The following ANKRD50 variants were observed in gnomAD, a reference collection of about 807,000 sequenced individuals.
ANKRD50 encodes the protein ankyrin repeat domain-containing protein 50.
ANKRD50 carries 40 observed loss-of-function variants against 112.0 expected under a neutral mutation model. The ratio of observed to expected loss-of-function variants is 0.36; its 90% CI spans 0.28 to 0.46. ANKRD50 has a LOEUF of 0.46. ANKRD50 is among the 20% of genes least tolerant of loss of function. The pLI, the probability that ANKRD50 is intolerant of heterozygous loss-of-function variation, is 1.00. For synonymous variants in ANKRD50, 613 were observed against 619.1 expected, an observed-to-expected ratio of 0.99 and a Z score of 0.15; for missense variants, 1,487 against 1,701.7, an observed-to-expected ratio of 0.87 and a Z score of 2.22.
At chr4:124,678,116 G>C (rs1231345750) in intron 3 of ANKRD50, among the ~76,000 whole-genome samples, 1 of 152,004 alleles carries the variant, frequency 6.6e-6, no homozygotes, top group Non-Finnish European at 1.5e-5. Context: ...AAAATGTATA[G>C]AACTACTCAA....
intron 2 of ANKRD50, among the ~76,000 whole-genome samples, chr4:124,686,515 C>T (rs1175343539): frequency 1.3e-5 from 2 of 152,060 alleles, no homozygotes; most frequent in African/African-American, 4.8e-5. Flanking sequence ...AGGCTCTTCT[C>T]CCATATGACC....
intron 3 of ANKRD50, 109 bp from the exon 4 acceptor site, chr4:124,672,643 A>G (rs1730690352): frequency 1.3e-6 from 1 of 779,212 alleles, no homozygotes; most frequent in African/African-American, 1.8e-5. Flanking sequence ...TAATAAATTA[A>G]TACTAATAAG....
chr4:124,673,875 T>C (rs1730714621), intron 3 of ANKRD50, among the ~76,000 whole-genome samples: 1 of 152,052 alleles, frequency 6.6e-6, no homozygotes, highest in African/African-American at 2.4e-5. Context: ...TAAATCTATA[T>C]AAAAATAGAA....
intron 2 of ANKRD50, among the ~76,000 whole-genome samples, chr4:124,698,203 G>C (rs1725294657): frequency 1.3e-5 from 2 of 151,986 alleles, no homozygotes; most frequent in Non-Finnish European, 2.9e-5. Flanking sequence ...TAAGTGAATG[G>C]AAAAGGAGCA....
At chr4:124,692,871 T>C (rs552513235) in intron 2 of ANKRD50, among the ~76,000 whole-genome samples, 1 of 152,314 alleles carries the variant, frequency 6.6e-6, no homozygotes, top group South Asian at 2.1e-4. Context: ...AGACACAAAC[T>C]GACATTTATG....
Position 124,712,445 on chromosome 4 carries a change from GC to G in ANKRD50, c.-764+12del. 2.5e-5 allele frequency: 4 copies of G among 159,564 alleles called. No homozygotes were observed. The highest frequency in any genetic ancestry group is 4.1e-5 in the Non-Finnish European group (3 of 73,618). 9.9% of individuals were successfully genotyped at this position (159,564 alleles called of 1,614,324 possible). A position where few individuals can be genotyped will look rare whatever the true frequency, so the allele number is the denominator to read the frequency against. ...GGGCCTCGCTTCCACCGCCGCCGCC[GC>G]CCCCCGGTTACCTCGGCCCCAGCCG... On this transcript the variant is annotated intron_variant, in intron 1 of 4. Coordinates refer to ENST00000504087, the MANE Select transcript of ANKRD50 (RefSeq NM_020337.3).
In ANKRD50 at chr4:124,669,460, A is replaced by AT; in HGVS notation, c.3816dup (p.Ser1273IlefsTer18). 1 of 1,612,182 alleles carries AT rather than the reference A, an allele frequency of 6.2e-7. No individual in the cohort carries two copies. Among genetic ancestry groups the AT allele is most frequent in the East Asian group, 2.2e-5 (1 of 44,842 alleles). Reference sequence around the variant, plus strand: ...GATCCAGACTTGGCAGAATTTTCTGATTTCCCCCCTTTACTTGCTTTAGTT... The same window carrying AT: ...GATCCAGACTTGGCAGAATTTTCTGATTTTCCCCCCTTTACTTGCTTTAGTT... On this transcript the variant is annotated frameshift_variant, in exon 4 of 5. Coordinates refer to ENST00000504087, the MANE Select transcript of ANKRD50 (RefSeq NM_020337.3). LOFTEE classifies it high-confidence loss of function.
chr4:124,712,269 G>GCGCTCCCGCCCCATGCCC (rs1347560641), intron 1 of ANKRD50, among the ~76,000 whole-genome samples, 189 bp downstream of exon 1: 2 of 152,134 alleles, frequency 1.3e-5, no homozygotes, highest in Non-Finnish European at 2.9e-5. Flanking sequence ...TTCCGCCTCT[G>GCGCTCCCGCCCCATGCCC]CGCTCCCGCC....
chr4:124,669,018 C>G lies in ANKRD50; in HGVS notation c.4259G>C (p.Ser1420Thr). 1 of 1,607,418 alleles carries G rather than the reference C, an allele frequency of 6.2e-7. No individual in the cohort carries two copies. The part of the protein sequence containing the change: ...LKLQIEGSDP[S>T]FNYKKETPL ...TGGTGTTTCCTTTTTATAGTTGAAG[C>G]TAGGGTCAGAACCTTCAATCTGAAG... Residue 1420 changes from serine to threonine, a missense_variant, in exon 4 of 5, where the codon AGC becomes ACC. By Grantham distance (58) the Ser-to-Thr change is moderately conservative. This residue lies in a region of ANKRD50 where 441 missense variants were observed against 432.2 expected (regional missense o/e 1.02). Coordinates refer to ENST00000504087, the MANE Select transcript of ANKRD50 (RefSeq NM_020337.3).
intron 2 of ANKRD50, among the ~76,000 whole-genome samples, chr4:124,700,624 C>T (rs1318630530): frequency 6.6e-6 from 1 of 152,058 alleles, no homozygotes; most frequent in African/African-American, 2.4e-5. Context: ...TAATGACTTC[C>T]CATTTTAAAT....
At chr4:124,668,675 G>A (rs979811224) in intron 4 of ANKRD50, among the ~76,000 whole-genome samples, 4 of 152,068 alleles carry the variant, frequency 2.6e-5, no homozygotes, top group Non-Finnish European at 4.4e-5. Context: ...ATGAAATACA[G>A]TAGTGAACAG....
In ANKRD50 at chr4:124,672,140, C is replaced by T. The variant is rs1730674210; in HGVS notation, c.1137G>A (p.Ser379=). 6 of 1,613,670 alleles carry T rather than the reference C, an allele frequency of 3.7e-6. No individual in the cohort carries two copies. The highest frequency in any genetic ancestry group is 1.3e-5 in the African/African-American group (1 of 74,878). Residue 379 remains serine (S), a synonymous_variant, in exon 4 of 5, where the codon TCG becomes TCA. Coordinates refer to ENST00000504087, the MANE Select transcript of ANKRD50 (RefSeq NM_020337.3). ...TGCGTTGAAAATCTTCCAAAGTTAACGACATGTTTTTGGTCCATACTGCGT... is the reference window on the plus strand; with the variant it reads ...TGCGTTGAAAATCTTCCAAAGTTAATGACATGTTTTTGGTCCATACTGCGT... ...LYHAVWTKNM[S]LTLEDFQRKL... is the part of the protein sequence containing the mutation.
chr4:124,674,322 TTAAC>T (rs1218031577), intron 3 of ANKRD50, among the ~76,000 whole-genome samples: 1 of 151,892 alleles, frequency 6.6e-6, no homozygotes, highest in African/African-American at 2.4e-5. Context: ...TTAAACCTAA[TTAAC>T]TAAGATGTCA....
rs1181903323 is a variant in ANKRD50, at chr4:124,678,685, T to C, written c.733A>G (p.Met245Val). Residue 245 changes from methionine to valine, a missense_variant, in exon 3 of 5, where the codon ATG (methionine) becomes GTG (valine). Met to Val is a conservative substitution (Grantham distance 21). Transcript: ENST00000504087. ...AAGTAATTATGCTTACCAGTAAACA[T>C]TTTAGTAACAGCCTTACTCTGCTTT... is the stretch of plus-strand genomic sequence containing the variant. The part of the protein sequence containing the change: ...ARKQSKAVTK[M>V]FTGFRKISLD... The C allele has an allele frequency of 6.2e-7, 1 of 1,612,890 alleles. No individual in the cohort carries two copies. Among genetic ancestry groups the C allele is most frequent in the Non-Finnish European group, 8.5e-7 (1 of 1,179,078 alleles).
intron 2 of ANKRD50, among the ~76,000 whole-genome samples, chr4:124,700,821 C>T (rs1725373355): frequency 6.6e-6 from 1 of 152,134 alleles, no homozygotes; most frequent in African/African-American, 2.4e-5. Flanking sequence ...GATCAGCAGG[C>T]TAGCAAGATC....
intron 2 of ANKRD50, among the ~76,000 whole-genome samples, chr4:124,685,752 C>T (rs1455924984): frequency 6.6e-6 from 1 of 151,966 alleles, no homozygotes; most frequent in Admixed American, 6.6e-5. Context: ...TTATTACATT[C>T]TTAATTTTTT....
chr4:124,670,587 T>C lies in ANKRD50; in HGVS notation c.2690A>G (p.Gln897Arg). 1 of 1,613,118 alleles carries C rather than the reference T, an allele frequency of 6.2e-7. No homozygotes were observed. Among genetic ancestry groups the C allele is most frequent in the Non-Finnish European group, 8.5e-7 (1 of 1,179,702 alleles). The change falls in exon 4 of 5, where the codon CAA becomes CGA. Residue 897 changes from glutamine (Q) to arginine (R), a missense_variant. Around this residue, in one of 2 missense-constraint regions of ANKRD50, gnomAD observed 1,046 missense variants for 1,269.5 expected, o/e 0.82. Transcript: ENST00000504087. The stretch of plus-strand genomic sequence containing the variant: ...GTTGGATTTGTTTTCCAGTAATATT[T>C]GAACACAATCATAATGACCCTCTTG... The part of the protein sequence containing the change: ...ASQEGHYDCV[Q>R]ILLENKSNID...
At chr4:124,708,691 T>TACACACAC (rs10558584) in intron 2 of ANKRD50, among the ~76,000 whole-genome samples, 90 of 145,670 alleles carry the variant, frequency 6.2e-4, no homozygotes, top group African/African-American at 2.0e-3. Flanking sequence ...TACTAACACA[T>TACACACAC]ACACACACAC....
intron 2 of ANKRD50, among the ~76,000 whole-genome samples, chr4:124,682,623 T>C (rs1002053978): frequency 6.6e-6 from 1 of 152,148 alleles, no homozygotes; most frequent in African/African-American, 2.4e-5. Flanking sequence ...CCTGTATCAT[T>C]AGGAAATGAC....
Sources: gnomAD v4.1 joint callset for allele counts (sites outside exome capture counted in the v4.1 genomes callset) on GRCh38, gnomAD v4.1.1 for gene constraint, gnomAD v4.1.1 regional missense constraint, MANE v1.5 for transcripts, NCBI Gene and HGNC (gene_info 2026-07-23, HGNC 2026-07-21) for gene names.